The following FRMPD1 variants were observed in gnomAD, a reference collection of about 807,000 sequenced individuals.
The protein encoded by FRMPD1 is FERM and PDZ domain containing 1.
Under a neutral mutation model 117.8 loss-of-function variants are expected in FRMPD1, and 76 were observed. The ratio of observed to expected loss-of-function variants is 0.65; its 90% CI spans 0.54 to 0.78. The LOEUF is 0.78. FRMPD1 is among the 30% of genes least tolerant of loss of function. The pLI, the probability that FRMPD1 is intolerant of heterozygous loss-of-function variation, is 0.00. For missense variants in FRMPD1, 1,786 were observed against 1,964.5 expected (o/e 0.91, Z 1.72); for synonymous variants, 783 against 770.4 (o/e 1.02, Z -0.27).
At chr9:37,665,821 G>A (rs989750577) in intron 1 of FRMPD1, among the ~76,000 whole-genome samples, 1 of 152,108 alleles carries the variant, frequency 6.6e-6, no homozygotes, top group African/African-American at 2.4e-5. Flanking sequence ...CTGCCTTATG[G>A]TTCTGGACCC....
the FRMPD1 span, among the ~76,000 whole-genome samples, chr9:37,638,620 C>T: frequency 6.6e-6 from 1 of 152,136 alleles, no homozygotes; most frequent in Non-Finnish European, 1.5e-5. Flanking sequence ...GAGGATGTCT[C>T]CTGCTTGCAA....
At chr9:37,698,770 C>A (rs781032784) in intron 2 of FRMPD1, among the ~76,000 whole-genome samples, 2 of 151,850 alleles carry the variant, frequency 1.3e-5, no homozygotes, top group Non-Finnish European at 2.9e-5. Context: ...TGGAGTTTCA[C>A]TCTTGTTGCC....
At chr9:37,726,754 GA>G (rs1405630400) in intron 7 of FRMPD1, among the ~76,000 whole-genome samples, 1 of 152,078 alleles carries the variant, frequency 6.6e-6, no homozygotes, top group African/African-American at 2.4e-5. Flanking sequence ...ATACTCTTAG[GA>G]AGCCTGAAGT....
chr9:37,708,653 T>C, intron 4 of FRMPD1, 152 bp downstream of exon 4: 1 of 585,988 alleles, frequency 1.7e-6, no homozygotes, highest in Non-Finnish European at 3.0e-6. Flanking sequence ...GTTCCATCTA[T>C]TAAAACGGCT....
the FRMPD1 span, among the ~76,000 whole-genome samples, chr9:37,625,173 C>A: frequency 6.6e-6 from 1 of 152,184 alleles, no homozygotes; most frequent in Non-Finnish European, 1.5e-5. Context: ...GCTGCACACA[C>A]TGTGATTTGG....
intron 13 of FRMPD1, among the ~76,000 whole-genome samples, chr9:37,736,470 G>T (rs1201917829): frequency 6.7e-6 from 1 of 149,588 alleles, no homozygotes; most frequent in African/African-American, 2.5e-5. Flanking sequence ...GGCAGAGGTT[G>T]CAGTGAGCAA....
In FRMPD1 at chr9:37,698,549, C is replaced by CTTTT. The variant is rs531498194; in HGVS notation, c.101+5834_101+5837dup. ...ACAATAGTATTATGCATCTCATTATCTTTTTTTTTTTTTTTTTTTTTTTTT... is the reference window on the plus strand; with the variant it reads ...ACAATAGTATTATGCATCTCATTATCTTTTTTTTTTTTTTTTTTTTTTTTTTTTT... On this transcript the variant is annotated intron_variant, in intron 2 of 15. Coordinates refer to ENST00000377765, the MANE Select transcript of FRMPD1 (RefSeq NM_014907.3). Among the ~76,000 whole-genome samples, 61 of 74,596 alleles carry CTTTT rather than the reference C, an allele frequency of 8.2e-4. 2 individuals are homozygous for CTTTT. The highest frequency in any genetic ancestry group is 2.1e-3 in the African/African-American group (31 of 14,962). 48.9% of individuals were successfully genotyped at this position (74,596 alleles called of 152,430 possible).
intron 6 of FRMPD1, among the ~76,000 whole-genome samples, chr9:37,723,787 G>T (rs1389252416): frequency 6.6e-6 from 1 of 151,998 alleles, no homozygotes; most frequent in Non-Finnish European, 1.5e-5. Context: ...GAGGTCAGGA[G>T]TTCAAGACCA....
At chr9:37,670,114 T>C (rs1392261260) in intron 1 of FRMPD1, 2 of 152,232 alleles carry the variant, frequency 1.3e-5, no homozygotes, top group Non-Finnish European at 2.9e-5. Flanking sequence ...AACTTGCTAC[T>C]TCTCTAAGCA....
At chr9:37,738,889 C>T (rs905830487) in intron 14 of FRMPD1, among the ~76,000 whole-genome samples, 3 of 152,142 alleles carry the variant, frequency 2.0e-5, no homozygotes, top group Non-Finnish European at 2.9e-5. Context: ...AGGAATGACC[C>T]GAGGAAAAGG....
chr9:37,668,193 G>C (rs999171328), intron 1 of FRMPD1: 2 of 152,264 alleles, frequency 1.3e-5, no homozygotes, highest in South Asian at 2.1e-4. Flanking sequence ...AGTGGTTGAG[G>C]TCTTGAGGAT....
intron 5 of FRMPD1, among the ~76,000 whole-genome samples, chr9:37,712,607 C>T (rs997568656): frequency 6.6e-6 from 1 of 152,186 alleles, no homozygotes; most frequent in South Asian, 2.1e-4. Flanking sequence ...CCACCTGCCT[C>T]GGCTTCCCAA....
chr9:37,731,701 G>GT lies in FRMPD1; in HGVS notation c.858+599dup, dbSNP rs772093914. ...AGCTTGGCCAACATGGTGAAACCCC[G>GT]TCTCTACCAAAAATACAAAAAATTA... is the stretch of plus-strand genomic sequence containing the variant. On this transcript the variant is annotated intron_variant, in intron 9 of 15. Transcript: ENST00000377765. Among the ~76,000 whole-genome samples, 31 of 152,080 alleles carry GT rather than the reference G, an allele frequency of 2.0e-4. 1 individual carries two copies. Among genetic ancestry groups the GT allele is most frequent in the Non-Finnish European group, 1.8e-4 (12 of 67,978 alleles).
chr9:37,605,337 C>T, the FRMPD1 span, among the ~76,000 whole-genome samples: 2 of 152,172 alleles, frequency 1.3e-5, no homozygotes, highest in Non-Finnish European at 1.5e-5. Context: ...GCAACAAAGC[C>T]CAACCCAGCC....
chr9:37,680,954 A>T (rs1162845011), intron 1 of FRMPD1, among the ~76,000 whole-genome samples: 1 of 152,182 alleles, frequency 6.6e-6, no homozygotes, highest in African/African-American at 2.4e-5. Context: ...TCATGCCTGT[A>T]ATCCCAGCAC....
the FRMPD1 span, among the ~76,000 whole-genome samples, chr9:37,607,085 C>T: frequency 3.3e-5 from 5 of 152,068 alleles, no homozygotes; most frequent in East Asian, 1.9e-4. Flanking sequence ...GAGGCCGGGG[C>T]GGGTGGATCA....
intron 1 of FRMPD1, among the ~76,000 whole-genome samples, chr9:37,664,477 C>T (rs1004189570): frequency 6.6e-6 from 1 of 152,022 alleles, no homozygotes; most frequent in Non-Finnish European, 1.5e-5. Context: ...TCCCCTTACC[C>T]CACCCCCGAC....
chr9:37,740,607 G>A lies in FRMPD1; in HGVS notation c.2079G>A (p.Arg693=), dbSNP rs938499087. 5 of 1,614,194 alleles carry A rather than the reference G, an allele frequency of 3.1e-6. No individual in the cohort carries two copies. Among genetic ancestry groups the A allele is most frequent in the Non-Finnish European group, 3.4e-6 (4 of 1,180,004 alleles). The change falls in exon 15 of 16, where the codon AGG becomes AGA. Residue 693 remains arginine (R), a synonymous_variant. Transcript: ENST00000377765. This position sits in a 1 kb window ranked among gnomAD's most constrained non-coding sequence, Gnocchi z 4.2. ...GGGCACCAGAACTGAGCACAGTCAG[G>A]CTGGACCCCAGGCTGTATGAAGGCA... ...FGWAPELSTV[R]LDPRLYEGSH...
chr9:37,644,262 T>C, the FRMPD1 span, among the ~76,000 whole-genome samples: 1 of 148,852 alleles, frequency 6.7e-6, no homozygotes, highest in Non-Finnish European at 1.5e-5. Context: ...TGTTGAGAGG[T>C]CCTGCTTAGT....
Sources: gnomAD v4.1 joint callset for allele counts (sites outside exome capture counted in the v4.1 genomes callset) on GRCh38, gnomAD v4.1.1 for gene constraint, Gnocchi (gnomAD v3.1) non-coding constraint, MANE v1.5 for transcripts, NCBI Gene and HGNC (gene_info 2026-07-23, HGNC 2026-07-21) for gene names.